CFAP61: variants seen among roughly 807,000 people sequenced by gnomAD.
CFAP61 encodes the protein cilia- and flagella-associated protein 61.
In CFAP61, 107 loss-of-function variants were observed where a neutral mutation model predicts 135.6. The observed-to-expected ratio is 0.79, with a 90% confidence interval of 0.67 to 0.93. The LOEUF (loss-of-function observed/expected upper bound fraction) is 0.93, where lower values mean the gene tolerates loss of function less well. CFAP61 is among the 40% of genes least tolerant of loss of function. The pLI is 0.00. For synonymous variants in CFAP61, 575 were observed against 578.5 expected (o/e 0.99, Z 0.09); for missense variants, 1,507 against 1,556.2 (o/e 0.97, Z 0.53).
rs113222922 is a variant in CFAP61, at chr20:20,124,398, A to T, written c.860-18459A>T. Among the ~76,000 whole-genome samples, 20 of 151,642 alleles carry T rather than the reference A, an allele frequency of 1.3e-4. 3 individuals carry two copies. The highest frequency in any genetic ancestry group is 4.1e-4 in the African/African-American group (17 of 41,056). On this transcript the variant is annotated intron_variant, in intron 8 of 26. Coordinates refer to ENST00000245957, the MANE Select transcript of CFAP61 (RefSeq NM_015585.4). The stretch of plus-strand genomic sequence containing the variant: ...GTTTGTCATAGATAGCTTTTATTAC[A>T]TTGAGGTATGTTCCTTGTATGCTGA...
intron 25 of CFAP61, among the ~76,000 whole-genome samples, chr20:20,324,557 A>G (rs1052610250): frequency 6.6e-6 from 1 of 152,198 alleles, no homozygotes; most frequent in African/African-American, 2.4e-5. Flanking sequence ...CTGGCATTGT[A>G]TATAATGTTA....
At chr20:20,224,040 C>T (rs542323921) in intron 17 of CFAP61, among the ~76,000 whole-genome samples, 2 of 152,256 alleles carry the variant, frequency 1.3e-5, no homozygotes, top group South Asian at 4.1e-4. Context: ...TTACCAAGTG[C>T]CCCAAAATGC....
At chr20:20,239,091 A>G (rs965400010) in intron 18 of CFAP61, among the ~76,000 whole-genome samples, 1 of 152,026 alleles carries the variant, frequency 6.6e-6, no homozygotes, top group Non-Finnish European at 1.5e-5. Context: ...TGTTCCTGCC[A>G]TTTCATCAAA....
chr20:20,226,310 G>A (rs1207878358), intron 17 of CFAP61: 2 of 152,188 alleles, frequency 1.3e-5, no homozygotes, highest in African/African-American at 4.8e-5. Flanking sequence ...GCCGTGAGAA[G>A]AACATGCTCT....
At chr20:20,115,302 T>C (rs566331620) in intron 8 of CFAP61, among the ~76,000 whole-genome samples, 24 of 151,490 alleles carry the variant, frequency 1.6e-4, no homozygotes, top group African/African-American at 5.3e-4. Flanking sequence ...TAAAAGTTAG[T>C]TTATTACTTC....
chr20:20,245,499 A>G (rs1601595084), intron 18 of CFAP61, among the ~76,000 whole-genome samples: 1 of 152,192 alleles, frequency 6.6e-6, no homozygotes. Flanking sequence ...AGCATAGGAA[A>G]GACCTGTTCC....
chr20:20,085,431 A>G (rs2146601629), intron 6 of CFAP61: 1 of 1,365,088 alleles, frequency 7.3e-7, no homozygotes, highest in Middle Eastern at 2.1e-4. Flanking sequence ...CATTTAGCAG[A>G]ACAAGTTCCT....
rs566167688 is a variant in CFAP61, at chr20:20,052,882, G to A, written c.-37+291G>A. 49 of 673,930 alleles carry A rather than the reference G, an allele frequency of 7.3e-5. No individual in the cohort carries two copies. In the African/African-American group the frequency reaches 7.8e-4, roughly 11 times the overall value. The allele number at this position is 673,930 out of a possible 1,614,324, so 41.7% of individuals were successfully genotyped here. On this transcript the variant is annotated intron_variant, in intron 1 of 26. Coordinates refer to ENST00000245957, the MANE Select transcript of CFAP61 (RefSeq NM_015585.4). Reference sequence around the variant, plus strand: ...GCATTCTAGTAGTCTCTGGGTCCACGCCCCCTCGTTTCTGGTTTCGGGACA... The same window carrying A: ...GCATTCTAGTAGTCTCTGGGTCCACACCCCCTCGTTTCTGGTTTCGGGACA...
At chr20:20,061,791 C>G (rs2044819467) in intron 2 of CFAP61, among the ~76,000 whole-genome samples, 1 of 152,166 alleles carries the variant, frequency 6.6e-6, no homozygotes, top group Non-Finnish European at 1.5e-5. Flanking sequence ...TGTGATTCCC[C>G]TGACAGAATG....
chr20:20,235,860 C>G (rs2049547867), intron 18 of CFAP61, among the ~76,000 whole-genome samples: 1 of 152,206 alleles, frequency 6.6e-6, no homozygotes, highest in African/African-American at 2.4e-5. Flanking sequence ...GTCCTCGTTG[C>G]TGGGGAGTGG....
chr20:20,320,422 AT>A (rs1315159150), intron 25 of CFAP61, among the ~76,000 whole-genome samples: 24 of 85,758 alleles, frequency 2.8e-4, no homozygotes, highest in Non-Finnish European at 3.9e-4. Flanking sequence ...AATATATATT[AT>A]ATATGTAATA....
intron 25 of CFAP61, among the ~76,000 whole-genome samples, chr20:20,315,142 CA>C (rs1315787307): frequency 1.3e-5 from 2 of 151,412 alleles, no homozygotes; most frequent in Non-Finnish European, 2.9e-5. Flanking sequence ...AACTAGTTTA[CA>C]GTCCCACCAA....
At chr20:20,251,794 G>A (rs376813982) in intron 20 of CFAP61, 31 bp downstream of exon 20, 140 of 1,606,682 alleles carry the variant, frequency 8.7e-5, no homozygotes, top group Non-Finnish European at 1.1e-4. Context: ...CGCAAGCCAC[G>A]TGTCTGGAGA....
At chr20:20,131,384 ATACATTTTCTT>A (rs1568970997) in intron 8 of CFAP61, among the ~76,000 whole-genome samples, 2 of 152,178 alleles carry the variant, frequency 1.3e-5, no homozygotes, top group African/African-American at 4.8e-5. Flanking sequence ...ATATGAATAT[ATACATTTTCTT>A]TACATTTTCA....
At chr20:20,096,663 G>T (rs2047599288) in intron 7 of CFAP61, among the ~76,000 whole-genome samples, 1 of 152,242 alleles carries the variant, frequency 6.6e-6, no homozygotes, top group Non-Finnish European at 1.5e-5. Context: ...TCCCTGCCGA[G>T]AGTCAGGCTG....
At chr20:20,177,264 T>C in intron 13 of CFAP61, among the ~76,000 whole-genome samples, 1 of 152,190 alleles carries the variant, frequency 6.6e-6, no homozygotes, top group Admixed American at 6.5e-5. Context: ...AAAACCATTT[T>C]TTGCATTTCA....
At chr20:20,233,043 G>A (rs1156503947) in intron 18 of CFAP61, 2 of 152,176 alleles carry the variant, frequency 1.3e-5, no homozygotes, top group East Asian at 1.9e-4. Context: ...TGAATGTGTC[G>A]AGGTAACTAA....
rs189717268 is a variant in CFAP61 at position 20,183,008 on chromosome 20, T to G, written c.1386-4922T>G. On this transcript the variant is annotated intron_variant, in intron 13 of 26. Transcript: ENST00000245957. ...TCCTCCTCAGGTTCCCCACATCTCA[T>G]TCTAGTTAAAGCGAAAACAAACAGG... Among the ~76,000 whole-genome samples, 297 of 152,288 alleles carry G rather than the reference T, an allele frequency of 2.0e-3. 3 individuals carry two copies. Among genetic ancestry groups the G allele is most frequent in the African/African-American group, 6.8e-3 (283 of 41,548 alleles).
At chr20:20,166,561 G>A in intron 12 of CFAP61, 125 bp downstream of exon 12, 1 of 737,392 alleles carries the variant, frequency 1.4e-6, no homozygotes, top group South Asian at 1.6e-5. Flanking sequence ...AGGTCAAATG[G>A]CATGTCATGA....
Sources: allele counts gnomAD v4.1 joint callset (sites outside exome capture counted in the v4.1 genomes callset), GRCh38; gene constraint gnomAD v4.1.1; transcripts MANE v1.5; gene names NCBI Gene and HGNC (gene_info 2026-07-23, HGNC 2026-07-21).